The following ANK3 variants were observed in gnomAD, a reference collection of about 807,000 sequenced individuals.
ANK3 encodes ankyrin 3, also known as ankyrin-3.
In ANK3, 57 loss-of-function variants were observed where a neutral mutation model predicts 370.9. That is an observed-to-expected ratio of 0.15 (90% CI 0.12 to 0.19). ANK3 has a LOEUF of 0.19. Ranked by LOEUF, ANK3 falls within the 10% of genes least tolerant of loss-of-function variation. The probability of loss-of-function intolerance (pLI) is 1.00; values close to 1 mark genes in which losing one functional copy is unlikely to be tolerated. For missense variants in ANK3, 4,439 were observed against 5,302.1 expected, an observed-to-expected ratio of 0.84 and a Z score of 5.06; for synonymous variants, 1,929 against 1,946.3, an observed-to-expected ratio of 0.99 and a Z score of 0.23.
intron 5 of ANK3, among the ~76,000 whole-genome samples, chr10:60,266,229 G>GACATATA (rs2097876818): frequency 6.6e-6 from 1 of 152,090 alleles, no homozygotes; most frequent in Admixed American, 6.5e-5. Context: ...AACAAGAAAA[G>GACATATA]TAGTCTACAT....
chr10:60,036,733 G>A (rs912527263), intron 43 of ANK3, among the ~76,000 whole-genome samples: 1 of 152,078 alleles, frequency 6.6e-6, no homozygotes, highest in African/African-American at 2.4e-5. Flanking sequence ...ACTGCATCTG[G>A]CTGAGGAAAT....
rs151230244 is a variant in ANK3, at chr10:60,343,089, G to A, written c.114+46336C>T. 2.4e-3 allele frequency among the ~76,000 whole-genome samples: 365 copies of A among 152,270 alleles called. 2 individuals carry two copies. Among genetic ancestry groups the A allele is most frequent in the African/African-American group, 8.0e-3 (334 of 41,554 alleles). ...ATCAAGGACAGGAGGACACATACTCGTGGGTGAGTTATTAAGTCAAAGATC... is the reference window on the plus strand; with the variant it reads ...ATCAAGGACAGGAGGACACATACTCATGGGTGAGTTATTAAGTCAAAGATC... On this transcript the variant is annotated intron_variant, in intron 1 of 43. Coordinates refer to ENST00000280772, the MANE Select transcript of ANK3 (RefSeq NM_020987.5).
At position 60,173,060 on chromosome 10, in the gene ANK3, G is replaced by T. The variant is rs764617473; in HGVS notation, c.2283+28C>A. 5 of 1,608,496 alleles carry T rather than the reference G, an allele frequency of 3.1e-6. No homozygotes were observed. In the East Asian group the frequency reaches 1.1e-4, roughly 36 times the overall value. On this transcript the variant is annotated intron_variant, in intron 19 of 43. Coordinates refer to ENST00000280772, the MANE Select transcript of ANK3 (RefSeq NM_020987.5). ...CTTTGAAGCAAAAATAAATGATTCTGGCAGAAACAAAAAAGGAAGGAGCTT... is the reference window on the plus strand; with the variant it reads ...CTTTGAAGCAAAAATAAATGATTCTTGCAGAAACAAAAAAGGAAGGAGCTT...
chr10:60,142,320 C>G (rs771188944), intron 23 of ANK3, among the ~76,000 whole-genome samples: 12 of 152,098 alleles, frequency 7.9e-5, no homozygotes, highest in Admixed American at 2.0e-4. Context: ...TTGACTCTTT[C>G]TAGAAGCCGT....
At chr10:60,102,720 T>C (rs1033000105) in intron 28 of ANK3, among the ~76,000 whole-genome samples, 1 of 152,224 alleles carries the variant, frequency 6.6e-6, no homozygotes, top group African/African-American at 2.4e-5. Flanking sequence ...GCTAAGATGA[T>C]TTTTAAATAC....
intron 2 of ANK3, among the ~76,000 whole-genome samples, chr10:60,500,997 A>G (rs2075781521): frequency 1.3e-5 from 2 of 152,218 alleles, no homozygotes; most frequent in South Asian, 4.1e-4. Flanking sequence ...CTGCCTTCCA[A>G]GTCCTTATAG....
chr10:60,101,699 T>C (rs1304627943), intron 28 of ANK3, among the ~76,000 whole-genome samples: 1 of 152,230 alleles, frequency 6.6e-6, no homozygotes, highest in Admixed American at 6.5e-5. Flanking sequence ...CCTTTGCTAA[T>C]ACACCTACTT....
chr10:60,238,939 G>A (rs535598698), intron 7 of ANK3, among the ~76,000 whole-genome samples: 7 of 152,136 alleles, frequency 4.6e-5, no homozygotes, highest in African/African-American at 1.4e-4. Flanking sequence ...GTGCAGCAAA[G>A]GCATGGGATT....
In ANK3 at chr10:60,071,952, C is replaced by T. The variant is rs377666009; in HGVS notation, c.8929G>A (p.Asp2977Asn). Residue 2977 changes from aspartate to asparagine, a missense_variant, in exon 37 of 44, where the codon GAT (aspartate) becomes AAT (asparagine). By Grantham distance (23) the Asp-to-Asn change is conservative. This residue lies in a region of ANK3 where 1,601 missense variants were observed against 1,731.7 expected (regional missense o/e 0.92). Transcript: ENST00000280772. ...AATGCCGACTGTTCACAAAAACCAT[C>T]GGGAATATTAGAAGACAGCATTCTC... is the stretch of plus-strand genomic sequence containing the variant. ...ERRMLSSNIP[D>N]GFCEQSAFPK... 22 of 1,613,916 alleles carry T rather than the reference C, an allele frequency of 1.4e-5. No individual in the cohort carries two copies. The highest frequency in any genetic ancestry group is 1.8e-5 in the Non-Finnish European group (21 of 1,179,996).
At chr10:60,537,937 T>C (rs1239129129) in intron 2 of ANK3, among the ~76,000 whole-genome samples, 1 of 151,980 alleles carries the variant, frequency 6.6e-6, no homozygotes, top group Non-Finnish European at 1.5e-5. Flanking sequence ...TGATTCATGA[T>C]GAGTCATTCT....
chr10:60,250,549 T>C (rs1302366412), intron 7 of ANK3, among the ~76,000 whole-genome samples: 5 of 152,078 alleles, frequency 3.3e-5, no homozygotes, highest in Non-Finnish European at 5.9e-5. Context: ...GTATTTTTAG[T>C]AGAGACGGAG....
chr10:60,484,843 G>T (rs965434943), intron 2 of ANK3, among the ~76,000 whole-genome samples: 1 of 152,052 alleles, frequency 6.6e-6, no homozygotes, highest in Non-Finnish European at 1.5e-5. Context: ...AATTTAAGAT[G>T]AATCCAATGT....
intron 1 of ANK3, among the ~76,000 whole-genome samples, chr10:60,656,011 T>C (rs1458167182): frequency 6.6e-6 from 1 of 152,168 alleles, no homozygotes; most frequent in Non-Finnish European, 1.5e-5. Flanking sequence ...TCTAGGTCTG[T>C]GTAAGTACAC....
At chr10:60,417,711 T>C (rs987281788) in intron 2 of ANK3, among the ~76,000 whole-genome samples, 1 of 152,154 alleles carries the variant, frequency 6.6e-6, no homozygotes, top group African/African-American at 2.4e-5. Flanking sequence ...AGGTGGATGA[T>C]GTCACAATTA....
intron 2 of ANK3, among the ~76,000 whole-genome samples, chr10:60,414,375 G>A (rs2063618691): frequency 6.6e-6 from 1 of 152,088 alleles, no homozygotes; most frequent in African/African-American, 2.4e-5. Flanking sequence ...AAACATAACA[G>A]GAATATACAA....
At chr10:60,487,769 C>T (rs1441568288) in intron 2 of ANK3, among the ~76,000 whole-genome samples, 1 of 147,056 alleles carries the variant, frequency 6.8e-6, no homozygotes, top group Non-Finnish European at 1.5e-5. Context: ...GGTTGGAGTG[C>T]CATAGCGCGA....
At chr10:60,419,579 A>G (rs1479214512) in intron 2 of ANK3, among the ~76,000 whole-genome samples, 1 of 152,176 alleles carries the variant, frequency 6.6e-6, no homozygotes, top group Non-Finnish European at 1.5e-5. Context: ...GGACATCATC[A>G]AAGACAAGAA....
At chr10:60,136,035 T>TCTAGC (rs1241378444) in intron 24 of ANK3, among the ~76,000 whole-genome samples, 6 of 151,718 alleles carry the variant, frequency 4.0e-5, no homozygotes, top group African/African-American at 1.5e-4. Flanking sequence ...GCCACATGAC[T>TCTAGC]CTAGCCACTT....
At chr10:60,612,489 T>G (rs2078213790) in intron 2 of ANK3, among the ~76,000 whole-genome samples, 1 of 152,056 alleles carries the variant, frequency 6.6e-6, no homozygotes, top group African/African-American at 2.4e-5. Flanking sequence ...GTTTTGTTGG[T>G]TTTTATTTCA....
Sources: gnomAD v4.1 joint callset for allele counts (sites outside exome capture counted in the v4.1 genomes callset) on GRCh38, gnomAD v4.1.1 for gene constraint, gnomAD v4.1.1 regional missense constraint, MANE v1.5 for transcripts, NCBI Gene and HGNC (gene_info 2026-07-23, HGNC 2026-07-21) for gene names.